The following NR2F1-AS1 variants were observed in gnomAD, a reference collection of about 807,000 sequenced individuals.
NR2F1-AS1 encodes NR2F1 regulatory antisense RNA 1.
chr5:93,552,367 C>A (rs1752250653), intron 4 of NR2F1-AS1, among the ~76,000 whole-genome samples: 1 of 152,016 alleles, frequency 6.6e-6, no homozygotes, highest in African/African-American at 2.4e-5. Flanking sequence ...GCCAAAAGTG[C>A]AAAATACCTT....
chr5:93,561,125 T>C (rs367614105), intron 2 of NR2F1-AS1, among the ~76,000 whole-genome samples: 7 of 152,088 alleles, frequency 4.6e-5, no homozygotes, highest in African/African-American at 1.7e-4. Context: ...AATACAAAAT[T>C]AGCTGGGTGT....
intron 4 of NR2F1-AS1, chr5:93,409,536 T>C (rs1396508069): frequency 1.3e-5 from 2 of 152,078 alleles, no homozygotes; most frequent in Non-Finnish European, 1.5e-5. Flanking sequence ...TACAGTTTAG[T>C]AGAACACAAG....
At chr5:93,581,419 C>T (rs573342609), upstream of NR2F1-AS1, 1 of 152,174 alleles carries the variant, frequency 6.6e-6, no homozygotes, top group South Asian at 2.1e-4. Flanking sequence ...TCCCCCAGTA[C>T]GATCTTTCAA....
At chr5:93,409,566 G>A (rs1440083363) in intron 4 of NR2F1-AS1, 1 of 152,124 alleles carries the variant, frequency 6.6e-6, no homozygotes, top group Admixed American at 6.5e-5. Context: ...AATACTTCCT[G>A]GAAGATACCT....
At chr5:93,526,887 A>G (rs990604752) in intron 4 of NR2F1-AS1, among the ~76,000 whole-genome samples, 1 of 152,168 alleles carries the variant, frequency 6.6e-6, no homozygotes, top group Non-Finnish European at 1.5e-5. Context: ...CACAGCCAAT[A>G]TCATACTGAA....
intron 4 of NR2F1-AS1, among the ~76,000 whole-genome samples, chr5:93,529,437 T>C (rs1279918871): frequency 1.3e-5 from 2 of 152,168 alleles, no homozygotes; most frequent in Non-Finnish European, 2.9e-5. Flanking sequence ...ATCATCTTAA[T>C]TGAAGCAGAA....
At chr5:93,494,956 T>C (rs1393397332) in intron 4 of NR2F1-AS1, among the ~76,000 whole-genome samples, 1 of 152,140 alleles carries the variant, frequency 6.6e-6, no homozygotes, top group Non-Finnish European at 1.5e-5. Flanking sequence ...TCACATATTG[T>C]ATGGTTCCAT....
At chr5:93,425,393 G>A (rs1276013035) in intron 4 of NR2F1-AS1, among the ~76,000 whole-genome samples, 1 of 152,188 alleles carries the variant, frequency 6.6e-6, no homozygotes, top group Non-Finnish European at 1.5e-5. Flanking sequence ...CCCAGTGCAT[G>A]AGTCTCTGCA....
chr5:93,461,678 CATTTT>C (rs1392166330), intron 4 of NR2F1-AS1, among the ~76,000 whole-genome samples: 1 of 152,060 alleles, frequency 6.6e-6, no homozygotes, highest in African/African-American at 2.4e-5. Context: ...AACATGGAAG[CATTTT>C]ATTTTATTTA....
intron 4 of NR2F1-AS1, among the ~76,000 whole-genome samples, chr5:93,484,216 C>T (rs1383608041): frequency 2.0e-5 from 3 of 152,104 alleles, no homozygotes; most frequent in East Asian, 1.9e-4. Context: ...ATCGGGTTAC[C>T]CACAAAGGGA....
intron 4 of NR2F1-AS1, among the ~76,000 whole-genome samples, chr5:93,520,168 T>C (rs1206049872): frequency 6.6e-6 from 1 of 152,108 alleles, no homozygotes; most frequent in Non-Finnish European, 1.5e-5. Flanking sequence ...ATTGTAATAG[T>C]TTCCACATGC....
At chr5:93,537,107 T>C (rs1387771058) in intron 4 of NR2F1-AS1, among the ~76,000 whole-genome samples, 1 of 152,116 alleles carries the variant, frequency 6.6e-6, no homozygotes, top group East Asian at 1.9e-4. Flanking sequence ...TATTTCTTTA[T>C]CAACAGTGTG....
chr5:93,426,105 T>G (rs1749190081), intron 4 of NR2F1-AS1, among the ~76,000 whole-genome samples: 2 of 151,870 alleles, frequency 1.3e-5, no homozygotes, highest in African/African-American at 4.8e-5. Flanking sequence ...TGGAGTGCAG[T>G]GGTGCCATCT....
chr5:93,498,666 T>A (rs771887171), intron 4 of NR2F1-AS1, among the ~76,000 whole-genome samples: 6 of 151,984 alleles, frequency 3.9e-5, no homozygotes, highest in African/African-American at 1.4e-4. Flanking sequence ...CAATGAAACA[T>A]CTATACTGCA....
intron 4 of NR2F1-AS1, among the ~76,000 whole-genome samples, chr5:93,536,807 T>C (rs1751849483): frequency 6.6e-6 from 1 of 152,236 alleles, no homozygotes; most frequent in South Asian, 2.1e-4. Flanking sequence ...AAATCTCATC[T>C]TGTAGCTCCC....
intron 4 of NR2F1-AS1, among the ~76,000 whole-genome samples, chr5:93,533,391 T>C (rs78089403): frequency 9.8e-5 from 15 of 152,318 alleles, no homozygotes; most frequent in Non-Finnish European, 2.9e-5. Context: ...AAATGCTGTA[T>C]GCACACAATT....
At chr5:93,485,930 G>A (rs1448955884) in intron 4 of NR2F1-AS1, among the ~76,000 whole-genome samples, 2 of 138,994 alleles carry the variant, frequency 1.4e-5, no homozygotes, top group Non-Finnish European at 3.1e-5. Flanking sequence ...ATACTATGCA[G>A]CCATAAAAAA....
chr5:93,563,825 G>A (rs924137295), intron 1 of NR2F1-AS1, among the ~76,000 whole-genome samples: 3 of 152,002 alleles, frequency 2.0e-5, no homozygotes, highest in Admixed American at 6.6e-5. Flanking sequence ...CTACCAGGCC[G>A]GGTGCAGTGG....
intron 4 of NR2F1-AS1, chr5:93,543,914 C>T (rs1164950478): frequency 6.6e-6 from 1 of 152,110 alleles, no homozygotes; most frequent in African/African-American, 2.4e-5. Context: ...ATATGTATTG[C>T]ACTTCCAAAA....
Sources: gnomAD v4.1 joint callset for allele counts (sites outside exome capture counted in the v4.1 genomes callset) on GRCh38, gnomAD v4.1.1 for gene constraint, MANE v1.5 for transcripts, NCBI Gene and HGNC (gene_info 2026-07-23, HGNC 2026-07-21) for gene names.